Variants in SIGLEC15 observed in about 807,000 individuals in gnomAD.
The protein encoded by SIGLEC15 is sialic acid-binding Ig-like lectin 15.
SIGLEC15 carries 31 observed loss-of-function variants against 26.2 expected under a neutral mutation model. That is an observed-to-expected ratio of 1.18 (90% CI 0.89 to 1.60). The LOEUF is 1.60. Ranked by LOEUF, SIGLEC15 falls within the 40% of genes most tolerant of loss-of-function variation. The pLI is 0.00. For missense variants in SIGLEC15, 501 were observed against 488.4 expected (o/e 1.03, Z -0.24); for synonymous variants, 207 against 221.9 (o/e 0.93, Z 0.60).
At chr18:45,829,205 C>CCA in intron 1 of SIGLEC15, 1 of 953,380 alleles carries the variant, frequency 1.0e-6, no homozygotes, top group African/African-American at 1.8e-5. Context: ...CACACCCACG[C>CCA]CACAGTCAGC....
At chr18:45,830,414 C>T (rs2048224491) in intron 1 of SIGLEC15, among the ~76,000 whole-genome samples, 1 of 152,134 alleles carries the variant, frequency 6.6e-6, no homozygotes, top group Non-Finnish European at 1.5e-5. Context: ...ATGCCCGATG[C>T]GGCAGCCCCA....
intron 4 of SIGLEC15, among the ~76,000 whole-genome samples, chr18:45,839,991 A>G (rs2048311359): frequency 6.6e-6 from 1 of 152,172 alleles, no homozygotes; most frequent in African/African-American, 2.4e-5. Flanking sequence ...GGTGCTCAGA[A>G]GAACGGACTT....
In SIGLEC15 at chr18:45,838,502, C is replaced by T. The variant is rs776555043; in HGVS notation, c.497-216C>T. On this transcript the variant is annotated intron_variant, in intron 3 of 5. Transcript: ENST00000389474. The stretch of plus-strand genomic sequence containing the variant: ...AAATCTTTTCAGCAACCTCTTAAGG[C>T]AACTGCTATCATGATCCTCACTTTA... 847 of 658,564 alleles carry T rather than the reference C, an allele frequency of 1.3e-3. 14 individuals are homozygous for T. Among genetic ancestry groups the T allele is most frequent in the Non-Finnish European group, 9.3e-5 (39 of 417,754 alleles). The allele number at this position is 658,564 out of a possible 1,614,324, so 40.8% of individuals were successfully genotyped here. A position where few individuals can be genotyped will look rare whatever the true frequency, so the allele number is the denominator to read the frequency against.
intron 1 of SIGLEC15, among the ~76,000 whole-genome samples, chr18:45,828,409 C>G (rs904135887): frequency 6.6e-6 from 1 of 152,164 alleles, no homozygotes; most frequent in African/African-American, 2.4e-5. Context: ...CCATCTCCCC[C>G]CATATCTGCT....
intron 4 of SIGLEC15, 39 bp from the exon 5 acceptor site, chr18:45,840,172 T>A: frequency 1.2e-6 from 2 of 1,611,028 alleles, no homozygotes; most frequent in Middle Eastern, 3.3e-4. Context: ...CAGACTGCGG[T>A]GGAGATTCAT....
intron 1 of SIGLEC15, among the ~76,000 whole-genome samples, chr18:45,826,314 CAAT>C (rs1707666632): frequency 6.6e-6 from 1 of 152,104 alleles, no homozygotes; most frequent in Non-Finnish European, 1.5e-5. Flanking sequence ...GTTTAAGCAA[CAAT>C]GTCATCAGTC....
intron 1 of SIGLEC15, among the ~76,000 whole-genome samples, chr18:45,826,474 GGCA>G (rs1466888432): frequency 6.6e-6 from 1 of 152,170 alleles, no homozygotes; most frequent in African/African-American, 2.4e-5. Context: ...CAGAGTATCA[GGCA>G]GCAAGTCCTA....
intron 1 of SIGLEC15, among the ~76,000 whole-genome samples, chr18:45,830,933 C>T (rs933556830): frequency 9.9e-5 from 15 of 152,188 alleles, no homozygotes; most frequent in African/African-American, 3.6e-4. Flanking sequence ...TATGTGCTTT[C>T]TTGTCATTTT....
At chr18:45,837,276 C>T (rs572080092) in intron 2 of SIGLEC15, among the ~76,000 whole-genome samples, 188 bp downstream of exon 2, 2 of 152,314 alleles carry the variant, frequency 1.3e-5, no homozygotes, top group African/African-American at 2.4e-5. Context: ...GCCGCGGGAA[C>T]GCAGGCACTC....
Position 45,837,472 on chromosome 18 carries a change from C to T in SIGLEC15, c.113-41C>T. The stretch of plus-strand genomic sequence containing the variant: ...CAGGCCCCGGGTGCGGGCGCCTCGA[C>T]CCCAGGGCCCCGAGCCTGACGCAGC... On this transcript the variant is annotated intron_variant, in intron 2 of 5. Coordinates refer to ENST00000389474, the MANE Select transcript of SIGLEC15 (RefSeq NM_213602.3). 3 of 1,436,626 alleles carry T rather than the reference C, an allele frequency of 2.1e-6. No homozygotes were observed. The South Asian group carries it at 4.4e-5, about 21-fold the overall frequency. The allele number at this position is 1,436,626 out of a possible 1,614,324, so 89.0% of individuals were successfully genotyped here.
At chr18:45,841,470 CG>C (rs2048324447) in intron 5 of SIGLEC15, among the ~76,000 whole-genome samples, 1 of 152,206 alleles carries the variant, frequency 6.6e-6, no homozygotes, top group African/African-American at 2.4e-5. Context: ...TGGTTTTAAG[CG>C]GACGCATGGC....
intron 4 of SIGLEC15, among the ~76,000 whole-genome samples, chr18:45,839,716 C>T (rs2048308740): frequency 6.6e-6 from 1 of 152,136 alleles, no homozygotes. Context: ...CAAGGAGAAA[C>T]GCTCTTCCTA....
Position 45,837,691 on chromosome 18 carries a change from G to A in SIGLEC15, c.291G>A (p.Ala97=), listed in dbSNP as rs999131861. The A allele has an allele frequency of 6.8e-7, 1 of 1,476,766 alleles. No individual in the cohort carries two copies. The highest frequency in any genetic ancestry group is 2.4e-5 in the Admixed American group (1 of 41,660). 91.5% of individuals were successfully genotyped at this position (1,476,766 alleles called of 1,614,324 possible). The change falls in exon 3 of 6, where the codon GCG becomes GCA. Residue 97 remains alanine (A), a synonymous_variant. Transcript: ENST00000389474. ...GCCCGCAGGTGTTCCGCTGCGCTGC[G>A]GCGCGGGGCAGCGAGCTCTGCCAGA... ...YAGPQVFRCA[A]ARGSELCQTA... is the part of the protein sequence containing the mutation.
intron 4 of SIGLEC15, 90 bp downstream of exon 4, chr18:45,839,185 T>A: frequency 1.5e-6 from 2 of 1,322,710 alleles, no homozygotes; most frequent in Non-Finnish European, 1.9e-6. Context: ...CCCCTGGCAC[T>A]GCCAGAATGT....
intron 1 of SIGLEC15, among the ~76,000 whole-genome samples, chr18:45,826,173 G>C (rs1374467479): frequency 2.0e-5 from 3 of 152,168 alleles, no homozygotes; most frequent in African/African-American, 7.2e-5. Flanking sequence ...GAGGAAGAAG[G>C]GCGGGGAGTG....
rs922825417 is a variant in SIGLEC15, at chr18:45,842,407, G to A, written c.*220G>A. 1.0e-5 allele frequency: 6 copies of A among 573,368 alleles called. No individual in the cohort carries two copies. The highest frequency in any genetic ancestry group is 3.0e-5 in the Admixed American group (1 of 33,142). 35.5% of individuals were successfully genotyped at this position (573,368 alleles called of 1,614,324 possible). ...TCCCTGATATTTTTGCCAGCATTTC[G>A]TAAATGTGCATACGTCTGTGTGTGT... On this transcript the variant is annotated 3_prime_UTR_variant, in exon 6 of 6. Transcript: ENST00000389474.
Position 45,838,725 on chromosome 18 carries a change from G to T in SIGLEC15, c.504G>T (p.Pro168=). Residue 168 remains proline (P), a synonymous_variant, in exon 4 of 6, where the codon CCG becomes CCT. Transcript: ENST00000389474. ...CCGCCTTCTCCCCTGCAGCCGCGCCGCGGATCGTCAACATCTCGGTGCTGC... is the reference window on the plus strand; with the variant it reads ...CCGCCTTCTCCCCTGCAGCCGCGCCTCGGATCGTCAACATCTCGGTGCTGC... ...HGVRLHVTAA[P]RIVNISVLPS... 1 of 1,576,144 alleles carries T rather than the reference G, an allele frequency of 6.3e-7. No individual in the cohort carries two copies. Among genetic ancestry groups the T allele is most frequent in the African/African-American group, 1.4e-5 (1 of 72,936 alleles).
At chr18:45,832,537 G>A (rs2048243793) in intron 1 of SIGLEC15, among the ~76,000 whole-genome samples, 1 of 152,186 alleles carries the variant, frequency 6.6e-6, no homozygotes. Context: ...GGCCAGAGGT[G>A]GAATTGCCAC....
chr18:45,840,794 C>T (rs1376547813), intron 5 of SIGLEC15: 5 of 152,608 alleles, frequency 3.3e-5, no homozygotes, highest in Non-Finnish European at 5.9e-5. Context: ...AGCCTAGGCA[C>T]TCCCATAACT....
Sources: gnomAD v4.1 joint callset for allele counts (sites outside exome capture counted in the v4.1 genomes callset) on GRCh38, gnomAD v4.1.1 for gene constraint, MANE v1.5 for transcripts, NCBI Gene and HGNC (gene_info 2026-07-23, HGNC 2026-07-21) for gene names.